Variants in PPARGC1A observed in about 807,000 individuals in gnomAD.
PPARGC1A encodes the protein PPARG coactivator 1 alpha.
A neutral mutation model predicts 88.7 loss-of-function variants in PPARGC1A; 25 were observed. That is an observed-to-expected ratio of 0.28 (90% CI 0.21 to 0.39). PPARGC1A has a LOEUF of 0.39. PPARGC1A is among the 10% of genes least tolerant of loss of function. The pLI, the probability that PPARGC1A is intolerant of heterozygous loss-of-function variation, is 1.00. For missense variants in PPARGC1A, 880 were observed against 968.7 expected (o/e 0.91, Z 1.22); for synonymous variants, 363 against 355.6 (o/e 1.02, Z -0.24).
intron 2 of PPARGC1A, 94 bp downstream of exon 2, chr4:23,884,658 G>C: frequency 9.1e-7 from 1 of 1,098,714 alleles, no homozygotes; most frequent in Non-Finnish European, 1.2e-6. Flanking sequence ...TGATAGCAAA[G>C]TAAGAACTCA....
the PPARGC1A span, among the ~76,000 whole-genome samples, chr4:24,239,525 T>C: frequency 1.2e-3 from 189 of 152,240 alleles, 1 homozygote; most frequent in African/African-American, 4.4e-3. Context: ...TCTCTATCTA[T>C]AAAATGAGAT....
intron 2 of PPARGC1A, among the ~76,000 whole-genome samples, chr4:23,842,595 G>A (rs1727254866): frequency 6.6e-6 from 1 of 152,074 alleles, no homozygotes; most frequent in African/African-American, 2.4e-5. Context: ...TTTGGGGGCT[G>A]TCCTGTGTGT....
chr4:23,910,385 TTATATATATTA>T, the PPARGC1A span, among the ~76,000 whole-genome samples: 1 of 109,992 alleles, frequency 9.1e-6, no homozygotes, highest in Non-Finnish European at 1.7e-5. Flanking sequence ...ATTATATATA[TTATATATATTA>T]TATATATATT....
In PPARGC1A at chr4:23,899,077, T is replaced by A. The variant is rs1008400351; in HGVS notation, n.52+190A>T. Reference sequence around the variant, plus strand: ...GGCTGGTCTCGAACTCCAGACCTGATGATCCACCCCCCCCCGGCCTTGGCC... The same window carrying A: ...GGCTGGTCTCGAACTCCAGACCTGAAGATCCACCCCCCCCCGGCCTTGGCC... On this transcript the variant is annotated intron_variant and non_coding_transcript_variant, in intron 1 of 3. Transcript: ENST00000507342. Among the ~76,000 whole-genome samples, 10 of 40,430 alleles carry A rather than the reference T, an allele frequency of 2.5e-4. No individual in the cohort carries two copies. In the African/African-American group the frequency reaches 3.0e-3, roughly 12 times the overall value. The allele number at this position is 40,430 out of a possible 152,430, so 26.5% of individuals were successfully genotyped here.
At chr4:23,863,938 G>T (rs886997558) in intron 2 of PPARGC1A, among the ~76,000 whole-genome samples, 2 of 152,120 alleles carry the variant, frequency 1.3e-5, no homozygotes, top group Admixed American at 6.6e-5. Context: ...GTGCAGACAG[G>T]GTTTCTCTAG....
the PPARGC1A span, among the ~76,000 whole-genome samples, chr4:24,339,219 T>TACACAC: frequency 1.8e-4 from 6 of 33,108 alleles, no homozygotes; most frequent in African/African-American, 2.9e-4. Flanking sequence ...TGTGTATATA[T>TACACAC]ATATATATAT....
upstream of PPARGC1A, among the ~76,000 whole-genome samples, chr4:23,903,023 T>C (rs1224972217): frequency 6.6e-6 from 1 of 152,230 alleles, no homozygotes; most frequent in Non-Finnish European, 1.5e-5. Context: ...TTATTTCTAG[T>C]TCAGTTCATG....
At chr4:24,101,050 G>C in the PPARGC1A span, among the ~76,000 whole-genome samples, 1 of 152,146 alleles carries the variant, frequency 6.6e-6, no homozygotes, top group African/African-American at 2.4e-5. Context: ...ATTTACTTTT[G>C]ATAGGGTTTG....
the PPARGC1A span, among the ~76,000 whole-genome samples, chr4:23,983,578 T>C: frequency 3.9e-5 from 6 of 152,020 alleles, no homozygotes; most frequent in Admixed American, 3.9e-4. Flanking sequence ...AAGTTTGAAA[T>C]GTGAAGATGC....
At chr4:24,209,994 G>A in the PPARGC1A span, among the ~76,000 whole-genome samples, 1,935 of 152,194 alleles carry the variant, frequency 0.013, 46 homozygotes, top group African/African-American at 0.044. Flanking sequence ...TCTGTAAAAC[G>A]GGAAGAAGAA....
the PPARGC1A span, among the ~76,000 whole-genome samples, chr4:24,460,501 C>T: frequency 1.3e-5 from 2 of 152,198 alleles, no homozygotes; most frequent in Non-Finnish European, 2.9e-5. Context: ...TGTTTTTCAG[C>T]AGCCTGTTCT....
chr4:24,283,207 C>G, the PPARGC1A span, among the ~76,000 whole-genome samples: 7 of 152,130 alleles, frequency 4.6e-5, no homozygotes, highest in Non-Finnish European at 1.0e-4. Flanking sequence ...CATGATTGTT[C>G]TCGACCACCA....
the PPARGC1A span, among the ~76,000 whole-genome samples, chr4:24,022,611 G>C: frequency 6.6e-6 from 1 of 152,174 alleles, no homozygotes; most frequent in Non-Finnish European, 1.5e-5. Flanking sequence ...GTGAAGGTGA[G>C]ACAGGAGCAG....
rs967694840 is a variant in PPARGC1A, at chr4:23,799,574, A to G, written c.2293+2156T>C. ...CTCAGAAAAAAACTACCTTTGTGCC[A>G]TCGTACAGCTTGAGGGAATTGGAAA... On this transcript the variant is annotated intron_variant, in intron 12 of 12. Transcript: ENST00000264867. Among the ~76,000 whole-genome samples the G allele has an allele frequency of 2.6e-5, 4 of 152,218 alleles. No individual in the cohort carries two copies. The East Asian group carries it at 5.8e-4, about 22-fold the overall frequency.
chr4:24,180,970 A>T, the PPARGC1A span, among the ~76,000 whole-genome samples: 1 of 152,202 alleles, frequency 6.6e-6, no homozygotes, highest in African/African-American at 2.4e-5. Context: ...TCCCTCTGGG[A>T]CAAAGAAGTT....
intron 2 of PPARGC1A, among the ~76,000 whole-genome samples, chr4:23,856,449 C>T (rs1730213394): frequency 6.6e-6 from 1 of 152,156 alleles, no homozygotes; most frequent in African/African-American, 2.4e-5. Context: ...CTCAAAGCTG[C>T]AGGACACTCG....
chr4:24,006,804 AAACC>A, the PPARGC1A span, among the ~76,000 whole-genome samples: 6 of 152,074 alleles, frequency 3.9e-5, no homozygotes, highest in Non-Finnish European at 7.4e-5. Context: ...ATGAAACCAA[AAACC>A]AACAAACAGC....
the PPARGC1A span, among the ~76,000 whole-genome samples, chr4:24,096,864 A>AT: frequency 6.6e-6 from 1 of 152,232 alleles, no homozygotes; most frequent in African/African-American, 2.4e-5. Flanking sequence ...TTATATATAT[A>AT]CGAAAAACCT....
chr4:23,839,041 G>A (rs1243987301), intron 2 of PPARGC1A, among the ~76,000 whole-genome samples: 1 of 152,042 alleles, frequency 6.6e-6, no homozygotes, highest in African/African-American at 2.4e-5. Flanking sequence ...AAACAAAATT[G>A]AAGAATTCAC....
Sources: gnomAD v4.1 joint callset for allele counts (sites outside exome capture counted in the v4.1 genomes callset) on GRCh38, gnomAD v4.1.1 for gene constraint, MANE v1.5 for transcripts, NCBI Gene and HGNC (gene_info 2026-07-23, HGNC 2026-07-21) for gene names.